RFX3: variants seen among roughly 807,000 people sequenced by gnomAD.
The protein encoded by RFX3 is transcription factor RFX3.
In RFX3, 14 loss-of-function variants were observed where a neutral mutation model predicts 98.6. That is an observed-to-expected ratio of 0.14 (90% confidence interval 0.09 to 0.22). The LOEUF is 0.22. RFX3 is among the 10% of genes least tolerant of loss of function. The pLI, the probability that RFX3 is intolerant of heterozygous loss-of-function variation, is 1.00. For missense variants in RFX3, 639 were observed against 926.9 expected (o/e 0.69, Z 4.03); for synonymous variants, 383 against 328.4 (o/e 1.17, Z -1.80).
chr9:3,368,836 T>A (rs2131520437), intron 2 of RFX3, among the ~76,000 whole-genome samples: 1 of 152,364 alleles, frequency 6.6e-6, no homozygotes, highest in East Asian at 1.9e-4. Flanking sequence ...GTCATCCACT[T>A]ACATCTTAGT....
chr9:3,521,083 G>A (rs1818662585), intron 1 of RFX3, among the ~76,000 whole-genome samples: 1 of 152,040 alleles, frequency 6.6e-6, no homozygotes, highest in African/African-American at 2.4e-5. Flanking sequence ...ACAATAAAAA[G>A]CATATCACTA....
chr9:3,333,411 G>A (rs1267888252), intron 3 of RFX3, among the ~76,000 whole-genome samples: 1 of 148,710 alleles, frequency 6.7e-6, no homozygotes, highest in Admixed American at 6.7e-5. Flanking sequence ...CTGGGGTGAT[G>A]ATAGAAACAA....
chr9:3,423,800 T>TAC (rs1554704366), intron 1 of RFX3, among the ~76,000 whole-genome samples: 2 of 133,512 alleles, frequency 1.5e-5, no homozygotes, highest in African/African-American at 3.4e-5. Flanking sequence ...TATATATATA[T>TAC]ATATATATAT....
intron 1 of RFX3, among the ~76,000 whole-genome samples, chr9:3,402,286 A>C (rs2132042055): frequency 6.6e-6 from 1 of 152,284 alleles, no homozygotes; most frequent in East Asian, 1.9e-4. Flanking sequence ...TATTTTTAAC[A>C]CTGAGGAATG....
intron 1 of RFX3, among the ~76,000 whole-genome samples, chr9:3,454,868 T>C (rs955217750): frequency 3.9e-5 from 6 of 152,148 alleles, no homozygotes; most frequent in African/African-American, 7.2e-5. Context: ...GACACAGAAA[T>C]AACGTGATTT....
chr9:3,356,911 T>C (rs1461262098), intron 2 of RFX3, among the ~76,000 whole-genome samples: 1 of 150,864 alleles, frequency 6.6e-6, no homozygotes, highest in Non-Finnish European at 1.5e-5. Context: ...GAAAAGCATT[T>C]GACAAAACTC....
intron 3 of RFX3, among the ~76,000 whole-genome samples, chr9:3,344,209 G>C (rs184160737): frequency 3.9e-5 from 6 of 152,264 alleles, no homozygotes; most frequent in African/African-American, 1.4e-4. Context: ...TGTTCATTGA[G>C]TGTGTCCTAC....
At chr9:3,364,360 T>C (rs557326542) in intron 2 of RFX3, 12 of 193,556 alleles carry the variant, frequency 6.2e-5, no homozygotes, top group Non-Finnish European at 1.3e-4. Flanking sequence ...ACTGTTTGTC[T>C]GGTCTTCCCT....
chr9:3,504,088 G>T (rs1587877412), intron 1 of RFX3, among the ~76,000 whole-genome samples: 1 of 140,712 alleles, frequency 7.1e-6, no homozygotes. Flanking sequence ...CCTTAGTTTT[G>T]ATCAATACAT....
At position 3,319,355 on chromosome 9, in the gene RFX3, C is replaced by CT. The variant is rs916296364; in HGVS notation, c.474+10903dup. ...GAAAACAGTTTCACTAAAACATGAT[C>CT]TTTTTTTTTTTCATTGCCAGAGTCA... On this transcript the variant is annotated intron_variant, in intron 4 of 16. Transcript: ENST00000617270. Among the ~76,000 whole-genome samples the CT allele has an allele frequency of 1.6e-4, 23 of 147,736 alleles. 1 individual carries two copies. The highest frequency in any genetic ancestry group is 6.1e-4 in the Admixed American group (9 of 14,790).
intron 4 of RFX3, among the ~76,000 whole-genome samples, chr9:3,326,270 GATATA>G: frequency 6.6e-6 from 1 of 152,124 alleles, no homozygotes; most frequent in African/African-American, 2.4e-5. Context: ...ATTAGTAGTT[GATATA>G]ATATATTCAT....
At chr9:3,507,865 G>C (rs1413813920) in intron 1 of RFX3, among the ~76,000 whole-genome samples, 1 of 151,800 alleles carries the variant, frequency 6.6e-6, no homozygotes, top group African/African-American at 2.4e-5. Context: ...CACAAATGCA[G>C]ATCCCACAGA....
chr9:3,370,347 A>G (rs191485489), intron 2 of RFX3, among the ~76,000 whole-genome samples: 1 of 152,010 alleles, frequency 6.6e-6, no homozygotes, highest in African/African-American at 2.4e-5. Context: ...ATATATTTTT[A>G]TGATTCCTTT....
intron 4 of RFX3, among the ~76,000 whole-genome samples, chr9:3,321,768 T>A (rs899170118): frequency 1.3e-5 from 2 of 152,158 alleles, no homozygotes; most frequent in East Asian, 3.8e-4. Flanking sequence ...ACTCTAATGA[T>A]AAAACACACT....
intron 4 of RFX3, among the ~76,000 whole-genome samples, chr9:3,317,849 G>T (rs190733039): frequency 2.0e-5 from 3 of 152,136 alleles, no homozygotes; most frequent in Non-Finnish European, 4.4e-5. Flanking sequence ...TTAGAATGGC[G>T]ATCATTAAAA....
intron 1 of RFX3, among the ~76,000 whole-genome samples, chr9:3,435,285 C>A (rs1845021730): frequency 6.6e-6 from 1 of 152,016 alleles, no homozygotes; most frequent in African/African-American, 2.4e-5. Context: ...AATTTTTTAA[C>A]TCTGACTCTT....
intron 1 of RFX3, among the ~76,000 whole-genome samples, chr9:3,430,604 C>T (rs1844570110): frequency 6.6e-6 from 1 of 152,056 alleles, no homozygotes; most frequent in African/African-American, 2.4e-5. Flanking sequence ...GTCTGCCCTC[C>T]ACTTGCCATA....
chr9:3,427,348 TA>T (rs1844170304), intron 1 of RFX3, among the ~76,000 whole-genome samples: 1 of 141,582 alleles, frequency 7.1e-6, no homozygotes, highest in South Asian at 2.1e-4. Flanking sequence ...TTGTATTACA[TA>T]ATACTATATA....
intron 2 of RFX3, among the ~76,000 whole-genome samples, chr9:3,375,842 C>T (rs1402191490): frequency 6.6e-6 from 1 of 152,090 alleles, no homozygotes; most frequent in African/African-American, 2.4e-5. Context: ...CGCCTGTAGT[C>T]CCAGTTACTC....
Sources: gnomAD v4.1 joint callset for allele counts (sites outside exome capture counted in the v4.1 genomes callset) on GRCh38, gnomAD v4.1.1 for gene constraint, MANE v1.5 for transcripts, NCBI Gene and HGNC (gene_info 2026-07-23, HGNC 2026-07-21) for gene names.